TAF13: variants seen among roughly 807,000 people sequenced by gnomAD.
The protein encoded by TAF13 is TATA-box binding protein associated factor 13, also known as transcription initiation factor TFIID subunit 13.
A neutral mutation model predicts 18.7 loss-of-function variants in TAF13; 9 were observed. That is an observed-to-expected ratio of 0.48 (90% confidence interval 0.29 to 0.84). The LOEUF is 0.84. Among genes scored for constraint, TAF13 ranks in the 40% least tolerant of loss-of-function variants. The pLI is 0.08. For missense variants in TAF13, 105 were observed against 146.5 expected (o/e 0.72, Z 1.46); for synonymous variants, 49 against 44.1 (o/e 1.11, Z -0.44).
At chr1:109,075,201 C>A in intron 1 of TAF13, 136 bp from the exon 2 acceptor site, 1 of 719,702 alleles carries the variant, frequency 1.4e-6, no homozygotes. Context: ...AACCACGAAA[C>A]CTTAGCATTG....
At chr1:109,066,355 C>A (rs1039065081) in intron 2 of TAF13, 123 bp from the exon 3 acceptor site, 2 of 730,556 alleles carry the variant, frequency 2.7e-6, no homozygotes, top group East Asian at 2.9e-5. Context: ...ATATTTACAT[C>A]GTATTTGTTA....
At chr1:109,067,935 A>G (rs1438326918) in intron 2 of TAF13, among the ~76,000 whole-genome samples, 1 of 152,126 alleles carries the variant, frequency 6.6e-6, no homozygotes, top group African/African-American at 2.4e-5. Flanking sequence ...CATACCCACA[A>G]CAGCATCGCA....
chr1:109,072,760 T>A (rs530653960), intron 2 of TAF13, among the ~76,000 whole-genome samples: 2 of 141,518 alleles, frequency 1.4e-5, no homozygotes, highest in East Asian at 4.3e-4. Flanking sequence ...GTCACTATAA[T>A]GCCTTACACG....
chr1:109,068,505 CTATT>C (rs1233266723), intron 2 of TAF13, among the ~76,000 whole-genome samples: 3 of 152,136 alleles, frequency 2.0e-5, no homozygotes, highest in South Asian at 2.1e-4. Context: ...TGGTTTCTAA[CTATT>C]TATTTATTTT....
At chr1:109,070,093 A>C (rs2102108456) in intron 2 of TAF13, among the ~76,000 whole-genome samples, 1 of 152,260 alleles carries the variant, frequency 6.6e-6, no homozygotes, top group East Asian at 1.9e-4. Context: ...CAGATTTTAC[A>C]AGTTTTTCCA....
chr1:109,072,687 C>T (rs892906707), intron 2 of TAF13, among the ~76,000 whole-genome samples: 4 of 152,164 alleles, frequency 2.6e-5, no homozygotes, highest in Middle Eastern at 3.4e-3. Flanking sequence ...TCAAGCAGTC[C>T]GCCTGCCTTG....
intron 2 of TAF13, among the ~76,000 whole-genome samples, chr1:109,073,615 C>T (rs1664119019): frequency 6.6e-6 from 1 of 152,204 alleles, no homozygotes; most frequent in Non-Finnish European, 1.5e-5. Flanking sequence ...GATCTGCCCG[C>T]CTCGGCCTCC....
intron 2 of TAF13, among the ~76,000 whole-genome samples, chr1:109,066,641 C>T (rs1469561295): frequency 1.3e-5 from 2 of 152,146 alleles, no homozygotes; most frequent in Non-Finnish European, 2.9e-5. Context: ...GTTGGAAAAA[C>T]GGCAGACTCT....
chr1:109,065,259 G>C lies in TAF13; in HGVS notation c.205-566C>G, dbSNP rs536691546. On this transcript the variant is annotated intron_variant, in intron 3 of 3. Coordinates refer to ENST00000338366, the MANE Select transcript of TAF13 (RefSeq NM_005645.4). ...TAATCCAGCACTTTGGGAGGCTGAG[G>C]GGGTAGATTGCTTGAACCCAGCAGT... Among the ~76,000 whole-genome samples the C allele has an allele frequency of 3.5e-4, 54 of 152,276 alleles. No homozygotes were observed. In the South Asian group the frequency reaches 9.5e-3, roughly 27 times the overall value.
intron 1 of TAF13, 151 bp from the exon 2 acceptor site, chr1:109,075,216 A>T (rs888794759): frequency 9.9e-5 from 65 of 659,234 alleles, no homozygotes; most frequent in Non-Finnish European, 1.6e-4. Context: ...GCATTGAAGG[A>T]GCCTATGTAT....
At chr1:109,066,681 T>C (rs1388234373) in intron 2 of TAF13, among the ~76,000 whole-genome samples, 1 of 152,102 alleles carries the variant, frequency 6.6e-6, no homozygotes. Context: ...GGAAAAGACA[T>C]GAGAGACAGT....
chr1:109,066,254 CT>C (rs397840369), intron 2 of TAF13, 22 bp from the exon 3 acceptor site: 4 of 1,388,112 alleles, frequency 2.9e-6, no homozygotes, highest in African/African-American at 2.9e-5. Flanking sequence ...CAATCACTTA[CT>C]TTTGTTTACT....
At chr1:109,068,275 C>T (rs564750688) in intron 2 of TAF13, among the ~76,000 whole-genome samples, 13 of 152,322 alleles carry the variant, frequency 8.5e-5, no homozygotes, top group African/African-American at 3.1e-4. Context: ...GCTGGGATTA[C>T]AGCCATGCGC....
At chr1:109,069,689 T>G (rs1664017694) in intron 2 of TAF13, among the ~76,000 whole-genome samples, 1 of 151,902 alleles carries the variant, frequency 6.6e-6, no homozygotes, top group Non-Finnish European at 1.5e-5. Flanking sequence ...AATGAGTAAA[T>G]TAAGAATAAT....
At chr1:109,067,492 C>T (rs1663970959) in intron 2 of TAF13, among the ~76,000 whole-genome samples, 1 of 151,476 alleles carries the variant, frequency 6.6e-6, no homozygotes, top group South Asian at 2.1e-4. Context: ...TGCCTATAAT[C>T]CCAGCTACTC....
At position 109,075,077 on chromosome 1, in the gene TAF13, A is replaced by AAT. The variant is rs1664157637; in HGVS notation, c.28-14_28-13dup. 2 of 1,591,564 alleles carry AAT rather than the reference A, an allele frequency of 1.3e-6. No individual in the cohort carries two copies. Among genetic ancestry groups the AAT allele is most frequent in the Admixed American group, 1.8e-5 (1 of 56,354 alleles). ...TTTTCTTCCTCAAACTAGAAGTTAA[A>AAT]ATGTATATATAGAAATGTCAAATAA... On this transcript the variant is annotated splice_polypyrimidine_tract_variant and intron_variant, in intron 1 of 3. Transcript: ENST00000338366.
chr1:109,075,976 T>G lies in TAF13; in HGVS notation c.-29A>C. 2 of 1,614,216 alleles carry G rather than the reference T, an allele frequency of 1.2e-6. No homozygotes were observed. Among genetic ancestry groups the G allele is most frequent in the Non-Finnish European group, 1.7e-6 (2 of 1,180,036 alleles). Reference sequence around the variant, plus strand: ...ACTAGCACGCCAACTCACAGCGTCCTGCCGGCTGGCTCCCAGCTGGTTACA... The same window carrying G: ...ACTAGCACGCCAACTCACAGCGTCCGGCCGGCTGGCTCCCAGCTGGTTACA... On this transcript the variant is annotated 5_prime_UTR_variant, in exon 1 of 4. Transcript: ENST00000338366.
chr1:109,073,235 G>T (rs1407576458), intron 2 of TAF13, among the ~76,000 whole-genome samples: 2 of 151,754 alleles, frequency 1.3e-5, no homozygotes, highest in Non-Finnish European at 2.9e-5. Context: ...AATTACATTT[G>T]CTCACTTAAA....
intron 2 of TAF13, 68 bp from the exon 3 acceptor site, chr1:109,066,300 T>A: frequency 1.5e-6 from 2 of 1,309,280 alleles, no homozygotes; most frequent in Admixed American, 2.3e-5. Flanking sequence ...TTTAAAAAAA[T>A]AAAGTAGAAA....
Sources: allele counts gnomAD v4.1 joint callset (sites outside exome capture counted in the v4.1 genomes callset), GRCh38; gene constraint gnomAD v4.1.1; transcripts MANE v1.5; gene names NCBI Gene and HGNC (gene_info 2026-07-23, HGNC 2026-07-21).